CD2: variants seen among roughly 807,000 people sequenced by gnomAD.
CD2 encodes the protein T-cell surface antigen CD2.
Under a neutral mutation model 23.2 loss-of-function variants are expected in CD2, and 18 were observed. The observed-to-expected ratio is 0.77, with a 90% CI of 0.54 to 1.15. CD2 has a LOEUF of 1.15. CD2 is among the 50% of genes most tolerant of loss of function. The pLI, the probability that CD2 is intolerant of heterozygous loss-of-function variation, is 0.00. For synonymous variants in CD2, 162 were observed against 151.9 expected (o/e 1.07, Z -0.49); for missense variants, 424 against 423.1 (o/e 1.00, Z -0.02).
intron 3 of CD2, among the ~76,000 whole-genome samples, chr1:116,764,064 T>C (rs1652137988): frequency 6.6e-6 from 1 of 151,758 alleles, no homozygotes; most frequent in African/African-American, 2.4e-5. Flanking sequence ...AGGGGCTGCT[T>C]AAGGGAAATG....
chr1:116,766,557 G>T (rs1476433395), intron 4 of CD2, among the ~76,000 whole-genome samples: 3 of 152,130 alleles, frequency 2.0e-5, no homozygotes, highest in Non-Finnish European at 4.4e-5. Context: ...AAGGACAAAT[G>T]AACCAAATGG....
At chr1:116,757,483 C>T (rs1651891725) in intron 2 of CD2, among the ~76,000 whole-genome samples, 1 of 152,090 alleles carries the variant, frequency 6.6e-6, no homozygotes, top group African/African-American at 2.4e-5. Flanking sequence ...TTCTAAGACG[C>T]TATCTTAGTG....
Position 116,754,489 on chromosome 1 carries a change from T to C in CD2, c.-4T>C. 1 of 1,613,770 alleles carries C rather than the reference T, an allele frequency of 6.2e-7. No individual in the cohort carries two copies. Among genetic ancestry groups the C allele is most frequent in the Non-Finnish European group, 8.5e-7 (1 of 1,179,862 alleles). Reference sequence around the variant, plus strand: ...AGAATCAAAAGAGGAAACCAACCCCTAAGATGAGCTTTCCATGTAAATTTG... The same window carrying C: ...AGAATCAAAAGAGGAAACCAACCCCCAAGATGAGCTTTCCATGTAAATTTG... On this transcript the variant is annotated 5_prime_UTR_variant, in exon 1 of 5. The change abolishes the stop of an existing upstream ORF in the 5' untranslated region. Coordinates refer to ENST00000369478, the MANE Select transcript of CD2 (RefSeq NM_001767.5).
At chr1:116,756,147 C>T (rs1475118719) in intron 2 of CD2, among the ~76,000 whole-genome samples, 5 of 152,060 alleles carry the variant, frequency 3.3e-5, no homozygotes, top group African/African-American at 1.2e-4. Flanking sequence ...CTTTCCACAC[C>T]CTAGTCCTGC....
At chr1:116,762,268 C>T (rs973970911) in intron 3 of CD2, among the ~76,000 whole-genome samples, 33 of 152,110 alleles carry the variant, frequency 2.2e-4, no homozygotes, top group African/African-American at 8.0e-4. Context: ...GGGTGTTTTG[C>T]ATTATATCTG....
At position 116,769,011 on chromosome 1, in the gene CD2, G is replaced by A. The variant is rs75110791; in HGVS notation, c.*228G>A. On this transcript the variant is annotated 3_prime_UTR_variant, in exon 5 of 5. Transcript: ENST00000369478. Reference sequence around the variant, plus strand: ...ACACCAGTAAGGAGAAGCAATATAAGTGTGATTGCAAGAATGGTAGAGGAC... The same window carrying A: ...ACACCAGTAAGGAGAAGCAATATAAATGTGATTGCAAGAATGGTAGAGGAC... The A allele has an allele frequency of 3.0e-3, 1,600 of 535,232 alleles. 26 individuals carry two copies. Among genetic ancestry groups the A allele is most frequent in the African/African-American group, 0.027 (1,411 of 52,696 alleles). The allele number at this position is 535,232 out of a possible 1,614,324, so 33.2% of individuals were successfully genotyped here. A position where few individuals can be genotyped will look rare whatever the true frequency, so the allele number is the denominator to read the frequency against.
At chr1:116,758,284 C>T (rs1045627743) in intron 2 of CD2, among the ~76,000 whole-genome samples, 3 of 152,170 alleles carry the variant, frequency 2.0e-5, no homozygotes, top group Admixed American at 1.3e-4. Context: ...AAAGAGGAAG[C>T]TGGCTTGGGG....
intron 4 of CD2, among the ~76,000 whole-genome samples, chr1:116,766,080 C>T (rs1215298852): frequency 6.6e-6 from 1 of 152,246 alleles, no homozygotes; most frequent in Non-Finnish European, 1.5e-5. Context: ...CCTGCCCTTG[C>T]ACAACCTGAA....
chr1:116,754,676 C>A lies in CD2; in HGVS notation c.107C>A (p.Ala36Asp). The A allele has an allele frequency of 1.2e-6, 2 of 1,609,654 alleles. No homozygotes were observed. Among genetic ancestry groups the A allele is most frequent in the East Asian group, 2.2e-5 (1 of 44,868 alleles). The change falls in exon 2 of 5, where the codon GCC becomes GAC. Residue 36 changes from alanine (A) to aspartate (D), a missense_variant. Transcript: ENST00000369478. ...ACGAATGCCTTGGAAACCTGGGGTG[C>A]CTTGGGTCAGGACATCAACTTGGAC... is the stretch of plus-strand genomic sequence containing the variant. ...EITNALETWG[A>D]LGQDINLDIP...
chr1:116,764,100 C>T (rs1310025364), intron 3 of CD2, among the ~76,000 whole-genome samples: 3 of 151,758 alleles, frequency 2.0e-5, no homozygotes, highest in Admixed American at 6.6e-5. Flanking sequence ...TGTGTGGCTT[C>T]GGGCAACTCA....
At position 116,760,636 on chromosome 1, in the gene CD2, C is replaced by A. The variant is rs751251458; in HGVS notation, c.613+4C>A. 5 of 1,611,406 alleles carry A rather than the reference C, an allele frequency of 3.1e-6. No individual in the cohort carries two copies. The highest frequency in any genetic ancestry group is 1.3e-5 in the African/African-American group (1 of 75,008). On this transcript the variant is annotated splice_donor_region_variant and intron_variant, in intron 3 of 4. Transcript: ENST00000369478. ...GTCGAGCCTGTCAGCTGTCCAGGTGCGTGGCGGGCATCACTTCACAAACAC... is the reference window on the plus strand; with the variant it reads ...GTCGAGCCTGTCAGCTGTCCAGGTGAGTGGCGGGCATCACTTCACAAACAC...
Position 116,768,476 on chromosome 1 carries a change from A to C in CD2, c.749A>C (p.Glu250Ala), listed in dbSNP as rs377723619. ...TTTGTTGTTGCAGATGAGGAGCTGG[A>C]GACAAGAGCCCACAGAGTAGCTACT... is the stretch of plus-strand genomic sequence containing the variant. Reference protein sequence around the residue: ...QRSRRNDEELETRAHRVATEE... With the variant: ...QRSRRNDEELATRAHRVATEE... Residue 250 changes from glutamate (E) to alanine (A), a missense_variant, in exon 5 of 5, where the codon GAG (glutamate) becomes GCG (alanine). Physicochemically the swap from Glu to Ala is moderately radical, Grantham distance 107. Transcript: ENST00000369478. 3.1e-6 allele frequency: 5 copies of C among 1,613,492 alleles called. No homozygotes were observed. Among genetic ancestry groups the C allele is most frequent in the Non-Finnish European group, 4.2e-6 (5 of 1,179,620 alleles).
At chr1:116,756,326 T>C (rs1380588498) in intron 2 of CD2, among the ~76,000 whole-genome samples, 1 of 152,182 alleles carries the variant, frequency 6.6e-6, no homozygotes, top group African/African-American at 2.4e-5. Context: ...ATGCTGGTGT[T>C]TTCACATTTG....
chr1:116,757,176 T>C (rs996446935), intron 2 of CD2, among the ~76,000 whole-genome samples: 1 of 152,048 alleles, frequency 6.6e-6, no homozygotes, highest in Admixed American at 6.5e-5. Flanking sequence ...TTTGTATTTT[T>C]AGTAGAGACG....
At position 116,768,464 on chromosome 1, in the gene CD2, A is replaced by T; in HGVS notation, c.737A>T (p.Asp246Val). The change falls in exon 5 of 5, where the codon GAT becomes GTT. Residue 246 changes from aspartate (D) to valine (V), a missense_variant and splice_region_variant. Asp to Val is a radical substitution (Grantham distance 152, BLOSUM62 -3). Coordinates refer to ENST00000369478, the MANE Select transcript of CD2 (RefSeq NM_001767.5). ...CTCTATTGAGGTTTTGTTGTTGCAG[A>T]TGAGGAGCTGGAGACAAGAGCCCAC... ...KRKKQRSRRN[D>V]EELETRAHRV... is the part of the protein sequence containing the mutation. The T allele has an allele frequency of 6.2e-7, 1 of 1,612,748 alleles. No homozygotes were observed. Among genetic ancestry groups the T allele is most frequent in the South Asian group, 1.1e-5 (1 of 90,994 alleles).
At chr1:116,766,500 A>C (rs1372337967) in intron 4 of CD2, among the ~76,000 whole-genome samples, 1 of 152,212 alleles carries the variant, frequency 6.6e-6, no homozygotes, top group Non-Finnish European at 1.5e-5. Flanking sequence ...ATTTGTGTCT[A>C]AGTCACAATG....
Position 116,769,081 on chromosome 1 carries a change from G to T in CD2, c.*298G>T, listed in dbSNP as rs1040625562. 1.5e-5 allele frequency: 5 copies of T among 328,162 alleles called. No homozygotes were observed. Among genetic ancestry groups the T allele is most frequent in the Admixed American group, 4.5e-5 (1 of 21,994 alleles). The allele number at this position is 328,162 out of a possible 1,614,324, so 20.3% of individuals were successfully genotyped here. A position where few individuals can be genotyped will look rare whatever the true frequency, so the allele number is the denominator to read the frequency against. ...GATTTCTTGTCCCCTCTCAGGTCAT[G>T]TGTAGATGCGATAAATCAAGTGATT... On this transcript the variant is annotated 3_prime_UTR_variant, in exon 5 of 5. Coordinates refer to ENST00000369478, the MANE Select transcript of CD2 (RefSeq NM_001767.5).
chr1:116,754,635 A>G lies in CD2; in HGVS notation c.66A>G (p.Ala22=). ...LLIFNVSSKG[A]VSKEITNALE... ...TAACTCTTTTGCTTTTTATAGGTGC[A>G]GTCTCCAAAGAGATTACGAATGCCT... Residue 22 remains alanine, a synonymous_variant, in exon 2 of 5, where the codon GCA becomes GCG. Transcript: ENST00000369478. 6.2e-7 allele frequency: 1 copy of G among 1,607,546 alleles called. No homozygotes were observed. The highest frequency in any genetic ancestry group is 8.5e-7 in the Non-Finnish European group (1 of 1,178,062).
At position 116,768,591 on chromosome 1, in the gene CD2, T is replaced by A. The variant is rs761203896; in HGVS notation, c.864T>A (p.His288Gln). 1 of 1,613,934 alleles carries A rather than the reference T, an allele frequency of 6.2e-7. No individual in the cohort carries two copies. Among genetic ancestry groups the A allele is most frequent in the Admixed American group, 1.7e-5 (1 of 59,998 alleles). Residue 288 changes from histidine to glutamine, a missense_variant, in exon 5 of 5, where the codon CAT becomes CAA. Transcript: ENST00000369478. Reference sequence around the variant, plus strand: ...AACATCCTCCTCCACCACCTGGTCATCGTTCCCAGGCACCTAGTCATCGTC... The same window carrying A: ...AACATCCTCCTCCACCACCTGGTCAACGTTCCCAGGCACCTAGTCATCGTC... ...TSQHPPPPPG[H>Q]RSQAPSHRPP... is the part of the protein sequence containing the mutation.
Sources: allele counts gnomAD v4.1 joint callset (sites outside exome capture counted in the v4.1 genomes callset), GRCh38; gene constraint gnomAD v4.1.1; transcripts MANE v1.5; gene names NCBI Gene and HGNC (gene_info 2026-07-23, HGNC 2026-07-21).